The following CACNA2D3 variants were observed in gnomAD, a reference collection of about 807,000 sequenced individuals.
The protein encoded by CACNA2D3 is voltage-dependent calcium channel subunit alpha-2/delta-3.
CACNA2D3 carries 60 observed loss-of-function variants against 160.6 expected under a neutral mutation model. That is an observed-to-expected ratio of 0.37 (90% CI 0.30 to 0.46). CACNA2D3 has a LOEUF of 0.46. Ranked by LOEUF, CACNA2D3 falls within the 20% of genes least tolerant of loss-of-function variation. CACNA2D3 has a pLI of 1.00. For synonymous variants in CACNA2D3, 558 were observed against 492.9 expected (o/e 1.13, Z -1.75); for missense variants, 1,205 against 1,365.0 (o/e 0.88, Z 1.85).
At chr3:54,167,131 C>G (rs1234809182) in intron 2 of CACNA2D3, among the ~76,000 whole-genome samples, 1 of 152,106 alleles carries the variant, frequency 6.6e-6, no homozygotes, top group East Asian at 1.9e-4. Context: ...ACTTAATTCC[C>G]TCCACCTTGC....
chr3:54,783,462 C>T (rs186793488), intron 13 of CACNA2D3, among the ~76,000 whole-genome samples: 127 of 152,012 alleles, frequency 8.4e-4, no homozygotes, highest in African/African-American at 2.6e-3. Flanking sequence ...AAAAATTAGC[C>T]GGGCATGGTG....
At chr3:54,172,186 C>T (rs1700586601) in intron 2 of CACNA2D3, among the ~76,000 whole-genome samples, 1 of 152,244 alleles carries the variant, frequency 6.6e-6, no homozygotes, top group Non-Finnish European at 1.5e-5. Flanking sequence ...CCCAACAATG[C>T]TGTTTACTCT....
At chr3:54,472,648 G>C (rs1700754397) in intron 4 of CACNA2D3, among the ~76,000 whole-genome samples, 1 of 152,128 alleles carries the variant, frequency 6.6e-6, no homozygotes. Flanking sequence ...CATCATCTCA[G>C]CCCAAAATCT....
At chr3:54,568,016 C>G (rs916970423) in intron 6 of CACNA2D3, among the ~76,000 whole-genome samples, 1 of 152,196 alleles carries the variant, frequency 6.6e-6, no homozygotes, top group Non-Finnish European at 1.5e-5. Context: ...TTGTTGTAGT[C>G]CTTCATAGTT....
intron 35 of CACNA2D3, among the ~76,000 whole-genome samples, chr3:55,071,523 A>T (rs1009631953): frequency 6.6e-6 from 1 of 152,134 alleles, no homozygotes; most frequent in African/African-American, 2.4e-5. Flanking sequence ...CATACCTTTG[A>T]CTGACTCTCT....
chr3:54,879,364 G>A lies in CACNA2D3; in HGVS notation c.1797G>A (p.Val599=). The A allele has an allele frequency of 6.2e-7, 1 of 1,600,310 alleles. No individual in the cohort carries two copies. The highest frequency in any genetic ancestry group is 8.5e-7 in the Non-Finnish European group (1 of 1,173,096). Residue 599 remains valine (V), a synonymous_variant, in exon 20 of 38, where the codon GTG becomes GTA. Transcript: ENST00000474759. ...KTVDKGKRVL[V]MTNDYYYTDI... is the part of the protein sequence containing the mutation. ...TTTCAATCTAGAAACGGGTTTTGGT[G>A]ATGACAAATGACTACTATTATACAG...
chr3:54,479,885 A>G (rs73089486), intron 4 of CACNA2D3, among the ~76,000 whole-genome samples: 3,198 of 152,250 alleles, frequency 0.021, 47 homozygotes, highest in Non-Finnish European at 0.034. Context: ...AAATCATACC[A>G]TCTTTTGAAT....
intron 4 of CACNA2D3, among the ~76,000 whole-genome samples, chr3:54,486,858 T>C (rs1229400082): frequency 6.6e-6 from 1 of 152,080 alleles, no homozygotes; most frequent in African/African-American, 2.4e-5. Flanking sequence ...GGTTTCTAGT[T>C]CTGAAACAAG....
chr3:55,021,631 A>ATGTGTGTG (rs1559465900), intron 35 of CACNA2D3, among the ~76,000 whole-genome samples: 12 of 130,024 alleles, frequency 9.2e-5, no homozygotes, highest in African/African-American at 3.0e-4. Flanking sequence ...GTGTGTATAT[A>ATGTGTGTG]TATATATATA....
chr3:54,755,561 T>C (rs1171167619), intron 12 of CACNA2D3, among the ~76,000 whole-genome samples: 3 of 152,174 alleles, frequency 2.0e-5, no homozygotes, highest in African/African-American at 7.2e-5. Context: ...TCTGGCTTGC[T>C]TCACTAAAAG....
At chr3:54,390,149 T>A (rs1449326) in intron 4 of CACNA2D3, among the ~76,000 whole-genome samples, 36,349 of 152,082 alleles carry the variant, frequency 0.24, 4,450 homozygotes, top group Middle Eastern at 0.32. Flanking sequence ...ATGATGTGGT[T>A]GACTTTTGGG....
intron 27 of CACNA2D3, among the ~76,000 whole-genome samples, chr3:54,904,134 G>T (rs528069521): frequency 1.1e-4 from 16 of 152,320 alleles, no homozygotes; most frequent in African/African-American, 3.6e-4. Flanking sequence ...AGGTAGAAGG[G>T]CAAGAGAGCA....
chr3:54,269,615 A>G (rs1307472679), intron 2 of CACNA2D3, among the ~76,000 whole-genome samples: 1 of 152,090 alleles, frequency 6.6e-6, no homozygotes, highest in Non-Finnish European at 1.5e-5. Flanking sequence ...TGTAAAGAAA[A>G]TCCTGCAAGG....
At chr3:54,749,559 G>GA (rs202016681) in intron 11 of CACNA2D3, among the ~76,000 whole-genome samples, 197 of 150,524 alleles carry the variant, frequency 1.3e-3, no homozygotes, top group African/African-American at 3.1e-3. Flanking sequence ...ATTACTGTGT[G>GA]AAAAAAAAAC....
intron 2 of CACNA2D3, among the ~76,000 whole-genome samples, chr3:54,227,617 T>C (rs996695673): frequency 2.0e-5 from 3 of 152,046 alleles, no homozygotes; most frequent in Non-Finnish European, 4.4e-5. Flanking sequence ...TGCAGTGGTA[T>C]GATCTTGGCT....
intron 4 of CACNA2D3, among the ~76,000 whole-genome samples, chr3:54,414,669 A>G (rs1370609917): frequency 2.0e-5 from 3 of 151,930 alleles, no homozygotes; most frequent in African/African-American, 7.3e-5. Flanking sequence ...TTTTCTTGTT[A>G]CAACATTTTT....
intron 2 of CACNA2D3, among the ~76,000 whole-genome samples, chr3:54,175,941 G>A (rs190255878): frequency 5.3e-5 from 8 of 152,346 alleles, no homozygotes; most frequent in Admixed American, 4.6e-4. Context: ...CTGTCCAGGT[G>A]TGTTGGCAGA....
intron 21 of CACNA2D3, among the ~76,000 whole-genome samples, chr3:54,881,469 C>G (rs1040945047): frequency 6.6e-6 from 1 of 152,216 alleles, no homozygotes; most frequent in Non-Finnish European, 1.5e-5. Context: ...AGTAAACTCT[C>G]AGTAAACAGG....
intron 2 of CACNA2D3, among the ~76,000 whole-genome samples, chr3:54,178,354 G>A (rs1403746278): frequency 6.6e-6 from 1 of 152,172 alleles, no homozygotes; most frequent in Admixed American, 6.5e-5. Flanking sequence ...TGTCTCCAAG[G>A]CAGTTGAGAT....
Sources: allele counts gnomAD v4.1 joint callset (sites outside exome capture counted in the v4.1 genomes callset), GRCh38; gene constraint gnomAD v4.1.1; transcripts MANE v1.5; gene names NCBI Gene and HGNC (gene_info 2026-07-23, HGNC 2026-07-21).